DYNC2H1: variants seen among roughly 807,000 people sequenced by gnomAD.
DYNC2H1 encodes the protein cytoplasmic dynein 2 heavy chain 1.
A neutral mutation model predicts 570.0 loss-of-function variants in DYNC2H1; 410 were observed. The observed-to-expected ratio is 0.72, with a 90% CI of 0.66 to 0.78. The LOEUF is 0.78. Ranked by LOEUF, DYNC2H1 falls within the 30% of genes least tolerant of loss-of-function variation. The probability of loss-of-function intolerance (pLI) is 0.00; values close to 1 mark genes in which losing one functional copy is unlikely to be tolerated. For synonymous variants in DYNC2H1, 1,688 were observed against 1,677.6 expected, an observed-to-expected ratio of 1.01 and a Z score of -0.15; for missense variants, 4,865 against 5,046.4, an observed-to-expected ratio of 0.96 and a Z score of 1.09.
At position 103,151,537 on chromosome 11, in the gene DYNC2H1, C is replaced by G. The variant is rs1223620968; in HGVS notation, c.2947-599C>G. Reference sequence around the variant, plus strand: ...CTGTTGTTTTACAGAGCTTTAAAAGCCTTAGAGGCAATTCCAGCAGTTTAG... The same window carrying G: ...CTGTTGTTTTACAGAGCTTTAAAAGGCTTAGAGGCAATTCCAGCAGTTTAG... On this transcript the variant is annotated intron_variant, in intron 20 of 88. Transcript: ENST00000375735. The surrounding 1 kb of genome is among the most constrained non-coding windows in gnomAD (Gnocchi z 4.6). Among the ~76,000 whole-genome samples the G allele has an allele frequency of 6.6e-6, 1 of 152,032 alleles. No individual in the cohort carries two copies. The highest frequency in any genetic ancestry group is 1.5e-5 in the Non-Finnish European group (1 of 67,996).
At position 103,170,227 on chromosome 11, in the gene DYNC2H1, G is replaced by A. The variant is rs201302396; in HGVS notation, c.5088G>A (p.Thr1696=). The part of the protein sequence containing the change: ...NPYGPAGTGK[T]ESVKALGGLL... Reference sequence around the variant, plus strand: ...ATGGACCAGCTGGAACTGGGAAAACGGAATCAGTAAAGGCTTTAGGTGGAC... The same window carrying A: ...ATGGACCAGCTGGAACTGGGAAAACAGAATCAGTAAAGGCTTTAGGTGGAC... Residue 1696 remains threonine, a synonymous_variant, in exon 33 of 89, where the codon ACG becomes ACA. Transcript: ENST00000375735. This position sits in a 1 kb window ranked among gnomAD's most constrained non-coding sequence, Gnocchi z 4.8. 261 of 1,612,080 alleles carry A rather than the reference G, an allele frequency of 1.6e-4. 1 individual carries two copies. The African/African-American group carries it at 2.8e-3, about 17-fold the overall frequency.
intron 83 of DYNC2H1, among the ~76,000 whole-genome samples, chr11:103,382,164 C>T (rs1010090565): frequency 6.6e-5 from 10 of 152,106 alleles, no homozygotes; most frequent in African/African-American, 2.4e-4. Flanking sequence ...GACATTCTAA[C>T]CAATTTACAT....
At chr11:103,364,583 G>A (rs538407153) in intron 83 of DYNC2H1, among the ~76,000 whole-genome samples, 18 of 148,432 alleles carry the variant, frequency 1.2e-4, no homozygotes, top group African/African-American at 3.0e-4. Context: ...ACTCTGGTTC[G>A]TATTTAAATC....
At chr11:103,321,768 T>G (rs1938214891) in intron 81 of DYNC2H1, among the ~76,000 whole-genome samples, 1 of 152,142 alleles carries the variant, frequency 6.6e-6, no homozygotes, top group African/African-American at 2.4e-5. Flanking sequence ...CCTCCTAGAA[T>G]GTACTCATCT....
Position 103,220,047 on chromosome 11 carries a change from T to C in DYNC2H1, c.8946+19T>C, listed in dbSNP as rs1193008619. The C allele has an allele frequency of 7.6e-7, 1 of 1,309,984 alleles. No individual in the cohort carries two copies. The highest frequency in any genetic ancestry group is 3.0e-5 in the East Asian group (1 of 33,526). The allele number at this position is 1,309,984 out of a possible 1,614,324, so 81.1% of individuals were successfully genotyped here. On this transcript the variant is annotated intron_variant, in intron 56 of 88. Transcript: ENST00000375735. ...AGTACAAGTAAGTTAAAAAACATTC[T>C]AAGATCCATTTACATTTTTGCTTAC...
intron 78 of DYNC2H1, among the ~76,000 whole-genome samples, chr11:103,310,214 C>T (rs1867510628): frequency 6.6e-6 from 1 of 151,878 alleles, no homozygotes; most frequent in Admixed American, 6.6e-5. Flanking sequence ...TTTCATTTCA[C>T]CGAATTTTCT....
intron 85 of DYNC2H1, among the ~76,000 whole-genome samples, chr11:103,453,695 T>C (rs1366221672): frequency 6.7e-6 from 1 of 149,844 alleles, no homozygotes; most frequent in East Asian, 1.9e-4. Flanking sequence ...TCAAAATTAA[T>C]TTTACAGCAT....
chr11:103,285,589 T>C (rs1866320079), intron 73 of DYNC2H1, among the ~76,000 whole-genome samples: 1 of 151,218 alleles, frequency 6.6e-6, no homozygotes, highest in Non-Finnish European at 1.5e-5. Context: ...GCCTGACTAA[T>C]TTTTTTTGTA....
chr11:103,420,422 AT>A (rs1194667235), intron 84 of DYNC2H1, among the ~76,000 whole-genome samples: 19 of 152,158 alleles, frequency 1.2e-4, no homozygotes, highest in African/African-American at 3.4e-4. Flanking sequence ...GAGACACATA[AT>A]CATCAGATTC....
intron 29 of DYNC2H1, among the ~76,000 whole-genome samples, chr11:103,162,427 G>C (rs1861134896): frequency 6.6e-6 from 1 of 152,086 alleles, no homozygotes; most frequent in Non-Finnish European, 1.5e-5. Context: ...ATCAATCATT[G>C]TTATTTTAAC....
chr11:103,443,972 C>G (rs1944350377), intron 85 of DYNC2H1, among the ~76,000 whole-genome samples: 1 of 151,674 alleles, frequency 6.6e-6, no homozygotes, highest in African/African-American at 2.4e-5. Context: ...ACTCATGGAA[C>G]AAAGTAACTT....
intron 84 of DYNC2H1, among the ~76,000 whole-genome samples, chr11:103,435,511 T>C (rs1944030662): frequency 6.6e-6 from 1 of 152,082 alleles, no homozygotes; most frequent in Non-Finnish European, 1.5e-5. Flanking sequence ...TATTTTTTTC[T>C]GTTTGTTTCA....
intron 17 of DYNC2H1, among the ~76,000 whole-genome samples, chr11:103,137,403 A>G (rs1411186194): frequency 1.3e-5 from 2 of 151,946 alleles, no homozygotes; most frequent in East Asian, 1.9e-4. Context: ...TAATTTTTGT[A>G]TAAGGTGTAA....
intron 52 of DYNC2H1, among the ~76,000 whole-genome samples, chr11:103,206,964 CAGG>C (rs1032762919): frequency 2.6e-5 from 4 of 152,072 alleles, no homozygotes; most frequent in Non-Finnish European, 4.4e-5. Flanking sequence ...CTCTGTCGCC[CAGG>C]CTGGAGTGTG....
chr11:103,132,324 A>G (rs1859321182), intron 13 of DYNC2H1, among the ~76,000 whole-genome samples: 1 of 151,916 alleles, frequency 6.6e-6, no homozygotes, highest in Non-Finnish European at 1.5e-5. Context: ...TTTCAGTTCT[A>G]TATATTCCAC....
intron 85 of DYNC2H1, among the ~76,000 whole-genome samples, chr11:103,441,609 A>T (rs1462524140): frequency 6.6e-6 from 1 of 152,086 alleles, no homozygotes; most frequent in Non-Finnish European, 1.5e-5. Flanking sequence ...CTCCAATCAT[A>T]AGGTTATTTA....
At chr11:103,368,042 A>G (rs1015963507) in intron 83 of DYNC2H1, among the ~76,000 whole-genome samples, 1 of 152,088 alleles carries the variant, frequency 6.6e-6, no homozygotes, top group African/African-American at 2.4e-5. Flanking sequence ...TTAGTTCTGT[A>G]TCTTGTGTCT....
At chr11:103,278,640 C>T (rs574998359) in intron 70 of DYNC2H1, among the ~76,000 whole-genome samples, 3 of 152,030 alleles carry the variant, frequency 2.0e-5, no homozygotes, top group South Asian at 2.1e-4. Context: ...GATCTTGGCT[C>T]ACTGCAATCT....
intron 52 of DYNC2H1, among the ~76,000 whole-genome samples, chr11:103,207,223 G>GCTT (rs1862964125): frequency 1.5e-5 from 1 of 66,790 alleles, no homozygotes; most frequent in Admixed American, 2.0e-4. Context: ...GCCTGGGCCT[G>GCTT]TTTTTTTTTT....
Sources: gnomAD v4.1 joint callset for allele counts (sites outside exome capture counted in the v4.1 genomes callset) on GRCh38, gnomAD v4.1.1 for gene constraint, Gnocchi (gnomAD v3.1) non-coding constraint, MANE v1.5 for transcripts, NCBI Gene and HGNC (gene_info 2026-07-23, HGNC 2026-07-21) for gene names.